DGKI: variants seen among roughly 807,000 people sequenced by gnomAD.
DGKI encodes DAG kinase iota.
In DGKI, 55 loss-of-function variants were observed where a neutral mutation model predicts 147.5. The observed-to-expected ratio is 0.37, with a 90% CI of 0.30 to 0.47. DGKI has a LOEUF of 0.47. Among genes scored for constraint, DGKI ranks in the 20% least tolerant of loss-of-function variants. The pLI, the probability that DGKI is intolerant of heterozygous loss-of-function variation, is 1.00. For synonymous variants in DGKI, 469 were observed against 477.1 expected, an observed-to-expected ratio of 0.98 and a Z score of 0.22; for missense variants, 1,007 against 1,323.8, an observed-to-expected ratio of 0.76 and a Z score of 3.71.
intron 21 of DGKI, among the ~76,000 whole-genome samples, chr7:137,517,803 T>C (rs187120544): frequency 6.6e-6 from 1 of 152,292 alleles, no homozygotes; most frequent in East Asian, 1.9e-4. Flanking sequence ...CAGATCATCC[T>C]ATATGGGCAT....
intron 28 of DGKI, among the ~76,000 whole-genome samples, chr7:137,441,149 G>A (rs1314959306): frequency 6.6e-6 from 1 of 152,076 alleles, no homozygotes; most frequent in Non-Finnish European, 1.5e-5. Context: ...GGCCGGGCAC[G>A]GTGGCTCATG....
At chr7:137,449,085 A>G (rs1813845578) in intron 27 of DGKI, among the ~76,000 whole-genome samples, 1 of 152,226 alleles carries the variant, frequency 6.6e-6, no homozygotes, top group Non-Finnish European at 1.5e-5. Flanking sequence ...TAGAGATTCT[A>G]CGTAATTCCT....
intron 2 of DGKI, among the ~76,000 whole-genome samples, chr7:137,680,797 A>C (rs1563147551): frequency 6.6e-6 from 1 of 152,212 alleles, no homozygotes; most frequent in Non-Finnish European, 1.5e-5. Flanking sequence ...AAAGAGAAAA[A>C]AAAAAGGAAT....
intron 5 of DGKI, among the ~76,000 whole-genome samples, chr7:137,648,856 AATT>A: frequency 6.6e-6 from 1 of 152,260 alleles, no homozygotes; most frequent in South Asian, 2.1e-4. Flanking sequence ...AACATTTAAA[AATT>A]ATTATTTAAA....
At chr7:137,538,861 T>A (rs1817599247) in intron 20 of DGKI, among the ~76,000 whole-genome samples, 1 of 152,074 alleles carries the variant, frequency 6.6e-6, no homozygotes, top group South Asian at 2.1e-4. Context: ...TAAGATACTA[T>A]CAAATTGGTA....
intron 21 of DGKI, among the ~76,000 whole-genome samples, chr7:137,492,580 C>T (rs1815807011): frequency 6.6e-6 from 1 of 152,104 alleles, no homozygotes; most frequent in African/African-American, 2.4e-5. Context: ...ACCACAAGAC[C>T]CCCACAGAAA....
intron 8 of DGKI, among the ~76,000 whole-genome samples, chr7:137,611,313 A>G (rs1563111126): frequency 6.6e-6 from 1 of 152,162 alleles, no homozygotes; most frequent in African/African-American, 2.4e-5. Flanking sequence ...ATCTCTACAC[A>G]TTGGCATCAC....
intron 1 of DGKI, among the ~76,000 whole-genome samples, chr7:137,725,599 C>CT (rs201434153): frequency 0.012 from 1,360 of 112,290 alleles, 18 homozygotes; most frequent in African/African-American, 0.06. Context: ...AGCTTGTTTT[C>CT]TTTAAAAAAA....
intron 17 of DGKI, among the ~76,000 whole-genome samples, chr7:137,575,958 T>A (rs1818955152): frequency 6.6e-6 from 1 of 152,114 alleles, no homozygotes; most frequent in Non-Finnish European, 1.5e-5. Flanking sequence ...TCATATCTCA[T>A]TAGCTTAAGA....
chr7:137,819,722 T>A (rs1351603635), intron 1 of DGKI, among the ~76,000 whole-genome samples: 1 of 152,210 alleles, frequency 6.6e-6, no homozygotes, highest in Non-Finnish European at 1.5e-5. Flanking sequence ...GAAGGTGAGA[T>A]CCAAACTCAT....
chr7:137,630,172 A>G (rs1301551195), intron 6 of DGKI, among the ~76,000 whole-genome samples: 1 of 152,136 alleles, frequency 6.6e-6, no homozygotes, highest in Non-Finnish European at 1.5e-5. Flanking sequence ...ATTTAATTAC[A>G]ATATCTTTTA....
intron 27 of DGKI, among the ~76,000 whole-genome samples, chr7:137,462,641 T>C (rs1457163454): frequency 6.6e-6 from 1 of 152,230 alleles, no homozygotes; most frequent in Non-Finnish European, 1.5e-5. Flanking sequence ...TCTTCAGTTA[T>C]CTTGTTATTC....
At chr7:137,670,288 A>G (rs1822796672) in intron 3 of DGKI, among the ~76,000 whole-genome samples, 1 of 152,226 alleles carries the variant, frequency 6.6e-6, no homozygotes, top group Admixed American at 6.5e-5. Context: ...TAGCCTACAT[A>G]TACTATCACT....
At chr7:137,668,023 G>A (rs965642780) in intron 3 of DGKI, among the ~76,000 whole-genome samples, 2 of 152,186 alleles carry the variant, frequency 1.3e-5, no homozygotes, top group African/African-American at 4.8e-5. Context: ...ATGAGACTGT[G>A]CAACTTGCCC....
intron 21 of DGKI, among the ~76,000 whole-genome samples, chr7:137,515,151 T>C (rs1335920002): frequency 1.3e-5 from 2 of 152,194 alleles, no homozygotes; most frequent in Non-Finnish European, 1.5e-5. Flanking sequence ...AATCCACATA[T>C]ACATGCACTC....
intron 23 of DGKI, among the ~76,000 whole-genome samples, chr7:137,471,217 C>T (rs1814869796): frequency 6.6e-6 from 1 of 152,060 alleles, no homozygotes; most frequent in South Asian, 2.1e-4. Flanking sequence ...GGCCAGGTCT[C>T]TGTGGGGAAG....
chr7:137,483,067 T>G (rs570384709), intron 23 of DGKI, among the ~76,000 whole-genome samples: 1 of 152,190 alleles, frequency 6.6e-6, no homozygotes, highest in South Asian at 2.1e-4. Context: ...TAGAAAAATA[T>G]CATTAATCCT....
At chr7:137,825,433 T>G (rs544949121) in intron 1 of DGKI, among the ~76,000 whole-genome samples, 2 of 152,272 alleles carry the variant, frequency 1.3e-5, no homozygotes, top group South Asian at 4.2e-4. Flanking sequence ...GCTGTAGGGC[T>G]ATAAAATTTA....
intron 20 of DGKI, among the ~76,000 whole-genome samples, chr7:137,540,931 C>T (rs2128961239): frequency 6.6e-6 from 1 of 152,102 alleles, no homozygotes; most frequent in African/African-American, 2.4e-5. Flanking sequence ...AACTGAGAGT[C>T]TCAACACAGT....
Sources: gnomAD v4.1 joint callset for allele counts (sites outside exome capture counted in the v4.1 genomes callset) on GRCh38, gnomAD v4.1.1 for gene constraint, MANE v1.5 for transcripts, NCBI Gene and HGNC (gene_info 2026-07-23, HGNC 2026-07-21) for gene names.